Variants in CCSER2 observed in about 807,000 individuals in gnomAD.
The protein encoded by CCSER2 is coiled-coil serine rich protein 2.
A neutral mutation model predicts 92.3 loss-of-function variants in CCSER2; 46 were observed. That is an observed-to-expected ratio of 0.50 (90% confidence interval 0.39 to 0.64). The LOEUF (loss-of-function observed/expected upper bound fraction) is 0.64. Among genes scored for constraint, CCSER2 ranks in the 30% least tolerant of loss-of-function variants. The probability of loss-of-function intolerance (pLI) is 0.00; values close to 1 mark genes in which losing one functional copy is unlikely to be tolerated. For missense variants in CCSER2, 1,244 were observed against 1,238.9 expected, an observed-to-expected ratio of 1.00 and a Z score of -0.06; for synonymous variants, 433 against 431.4, an observed-to-expected ratio of 1.00 and a Z score of -0.04.
chr10:84,340,462 G>C (rs549111790), intron 1 of CCSER2, among the ~76,000 whole-genome samples: 1 of 130,898 alleles, frequency 7.6e-6, no homozygotes, highest in African/African-American at 3.5e-5. Flanking sequence ...AATTTGTACA[G>C]AATATACATA....
At chr10:84,400,495 T>G (rs910510727) in intron 3 of CCSER2, among the ~76,000 whole-genome samples, 1 of 152,116 alleles carries the variant, frequency 6.6e-6, no homozygotes, top group African/African-American at 2.4e-5. Context: ...CCTGAGAGTT[T>G]TATGGTTTTA....
intron 1 of CCSER2, among the ~76,000 whole-genome samples, chr10:84,364,282 A>G (rs190734912): frequency 6.6e-6 from 1 of 152,360 alleles, no homozygotes; most frequent in African/African-American, 2.4e-5. Context: ...ACAATGTTAC[A>G]ATGGCTAGCA....
Position 84,501,834 on chromosome 10 carries a change from A to T in CCSER2, c.2326-11615A>T, listed in dbSNP as rs56780213. Among the ~76,000 whole-genome samples the T allele has an allele frequency of 6.8e-3, 271 of 40,130 alleles. 11 individuals carry two copies. Among genetic ancestry groups the T allele is most frequent in the South Asian group, 0.013 (13 of 1,024 alleles). The allele number at this position is 40,130 out of a possible 152,430, so 26.3% of individuals were successfully genotyped here. ...TTAGTCATCTAGGGAAAAAAAAAAA[A>T]ATATATATATATATATATATATATA... On this transcript the variant is annotated intron_variant, in intron 9 of 9. Transcript: ENST00000372088.
chr10:84,426,642 C>T (rs1338888242), intron 5 of CCSER2, among the ~76,000 whole-genome samples: 1 of 152,032 alleles, frequency 6.6e-6, no homozygotes, highest in Non-Finnish European at 1.5e-5. Flanking sequence ...TATCTCATTC[C>T]ACAGGGATTT....
At chr10:84,387,994 G>T (rs1841317111) in intron 3 of CCSER2, among the ~76,000 whole-genome samples, 1 of 152,072 alleles carries the variant, frequency 6.6e-6, no homozygotes, top group Non-Finnish European at 1.5e-5. Flanking sequence ...CTCCTGAGTA[G>T]CTGGGATTAC....
chr10:84,356,152 A>C (rs1845160680), intron 1 of CCSER2, among the ~76,000 whole-genome samples: 4 of 151,294 alleles, frequency 2.6e-5, no homozygotes, highest in Admixed American at 1.3e-4. Flanking sequence ...GGAGGTTTGC[A>C]GTGGATTAAG....
chr10:84,427,985 G>A (rs1470600694), intron 5 of CCSER2, among the ~76,000 whole-genome samples: 1 of 152,124 alleles, frequency 6.6e-6, no homozygotes, highest in Non-Finnish European at 1.5e-5. Context: ...TGAGACTTAG[G>A]GCATTTGGCT....
chr10:84,348,124 A>C (rs1268461425), intron 1 of CCSER2, among the ~76,000 whole-genome samples: 4 of 152,168 alleles, frequency 2.6e-5, no homozygotes, highest in East Asian at 1.9e-4. Flanking sequence ...GAGGTTGTAG[A>C]GAGCCGAGAT....
rs138588651 is a variant in CCSER2 at position 84,414,055 on chromosome 10, G to A, written c.1615-3716G>A. On this transcript the variant is annotated intron_variant, in intron 3 of 9. Transcript: ENST00000372088. ...CTATGTGTGTCTTTGTATGTGAGAT[G>A]GGTCTTTTGAAGACAGCATACCGAT... 8.1e-4 allele frequency among the ~76,000 whole-genome samples: 123 copies of A among 152,170 alleles called. 1 individual carries two copies. Among genetic ancestry groups the A allele is most frequent in the African/African-American group, 2.8e-3 (115 of 41,502 alleles).
chr10:84,343,118 T>G (rs1844296446), intron 1 of CCSER2, among the ~76,000 whole-genome samples: 2 of 152,188 alleles, frequency 1.3e-5, no homozygotes, highest in African/African-American at 4.8e-5. Context: ...AACGGCCCCC[T>G]TGGCCTCCCA....
chr10:84,394,777 A>G (rs939633299), intron 3 of CCSER2, among the ~76,000 whole-genome samples: 2 of 152,150 alleles, frequency 1.3e-5, no homozygotes, highest in Admixed American at 1.3e-4. Flanking sequence ...TCAGATCTTC[A>G]TACACCCCAC....
intron 5 of CCSER2, among the ~76,000 whole-genome samples, chr10:84,437,787 A>G (rs1844271094): frequency 7.1e-6 from 1 of 141,412 alleles, no homozygotes; most frequent in Non-Finnish European, 1.5e-5. Context: ...ATCTTGGCTC[A>G]CTGCAACCTC....
At chr10:84,468,264 G>T (rs969787924) in intron 7 of CCSER2, among the ~76,000 whole-genome samples, 2 of 151,990 alleles carry the variant, frequency 1.3e-5, no homozygotes, top group Admixed American at 1.3e-4. Context: ...CTTATCCTTT[G>T]GAACTCCACT....
At chr10:84,494,990 T>C (rs1418117202) in intron 9 of CCSER2, among the ~76,000 whole-genome samples, 1 of 125,714 alleles carries the variant, frequency 8.0e-6, no homozygotes, top group South Asian at 2.8e-4. Context: ...TTTTTTTTTT[T>C]TCTTTCTTCT....
At chr10:84,453,262 T>C (rs1037078963) in intron 6 of CCSER2, among the ~76,000 whole-genome samples, 1 of 152,202 alleles carries the variant, frequency 6.6e-6, no homozygotes, top group African/African-American at 2.4e-5. Flanking sequence ...ATTTCTATGA[T>C]ATAAGTTCTT....
chr10:84,457,281 ATATATT>A (rs1564684695), intron 6 of CCSER2, among the ~76,000 whole-genome samples: 145 of 680 alleles, frequency 0.21, 2 homozygotes, highest in African/African-American at 0.33. Flanking sequence ...ATAATATATT[ATATATT>A]ATATATTATA....
intron 7 of CCSER2, among the ~76,000 whole-genome samples, chr10:84,465,724 T>C (rs1846380049): frequency 6.6e-6 from 1 of 152,194 alleles, no homozygotes; most frequent in African/African-American, 2.4e-5. Flanking sequence ...CATCTAAATA[T>C]TTAATGCTAT....
chr10:84,485,229 C>T (rs945610864), intron 9 of CCSER2, among the ~76,000 whole-genome samples: 6 of 152,088 alleles, frequency 3.9e-5, no homozygotes, highest in Admixed American at 1.3e-4. Context: ...TGTGTGTGCA[C>T]GCTTCTGTGC....
chr10:84,432,202 G>A (rs1843811044), intron 5 of CCSER2, among the ~76,000 whole-genome samples: 1 of 152,138 alleles, frequency 6.6e-6, no homozygotes, highest in Non-Finnish European at 1.5e-5. Context: ...TATCTTCTTT[G>A]GTGATGTGTC....
Sources: gnomAD v4.1 joint callset for allele counts (sites outside exome capture counted in the v4.1 genomes callset) on GRCh38, gnomAD v4.1.1 for gene constraint, MANE v1.5 for transcripts, NCBI Gene and HGNC (gene_info 2026-07-23, HGNC 2026-07-21) for gene names.